The following NOTCH1 variants were observed in gnomAD, a reference collection of about 807,000 sequenced individuals.
NOTCH1 encodes the protein notch receptor 1, also known as neurogenic locus notch homolog protein 1.
Under a neutral mutation model 254.8 loss-of-function variants are expected in NOTCH1, and 37 were observed. The observed-to-expected ratio is 0.15, with a 90% CI of 0.11 to 0.19. The LOEUF (loss-of-function observed/expected upper bound fraction) is 0.19. Ranked by LOEUF, NOTCH1 falls within the 10% of genes least tolerant of loss-of-function variation. The pLI is 1.00. For synonymous variants in NOTCH1, 1,731 were observed against 1,618.1 expected, an observed-to-expected ratio of 1.07 and a Z score of -1.68; for missense variants, 2,972 against 3,708.6, an observed-to-expected ratio of 0.80 and a Z score of 5.16.
rs62579231 is a variant in NOTCH1 at position 136,514,842 on chromosome 9, C to G, written c.2015-140G>C. The G allele has an allele frequency of 3.8e-5, 36 of 945,372 alleles. No individual in the cohort carries two copies. In the East Asian group the frequency reaches 9.4e-4, roughly 25 times the overall value. 58.6% of individuals were successfully genotyped at this position (945,372 alleles called of 1,614,324 possible). ...CCAGGTGTCAGAAACCATCTTGGATCACAATGTGCCATGTGCCAGCCTCCC... is the reference window on the plus strand; with the variant it reads ...CCAGGTGTCAGAAACCATCTTGGATGACAATGTGCCATGTGCCAGCCTCCC... On this transcript the variant is annotated intron_variant, in intron 12 of 33. Transcript: ENST00000651671.
intron 2 of NOTCH1, among the ~76,000 whole-genome samples, chr9:136,526,754 C>T (rs770606648): frequency 2.0e-5 from 3 of 152,216 alleles, no homozygotes; most frequent in Non-Finnish European, 4.4e-5. Context: ...TCCCAGTTAA[C>T]GAGGCTGTAT....
chr9:136,505,682 G>A lies in NOTCH1; in HGVS notation c.4214C>T (p.Pro1405Leu). The change falls in exon 25 of 34, where the codon CCC becomes CTC. Residue 1405 changes from proline (P) to leucine (L), a missense_variant. Coordinates refer to ENST00000651671, the MANE Select transcript of NOTCH1 (RefSeq NM_017617.5). ...ACGGTAGAAGGGGCTCTCGGATGTG[G>A]GCTCACAGGTCCCCTGGTTGTAGCA... ...NPCYNQGTCE[P>L]TSESPFYRCL... The A allele has an allele frequency of 1.2e-6, 2 of 1,610,340 alleles. No individual in the cohort carries two copies. The highest frequency in any genetic ancestry group is 1.7e-6 in the Non-Finnish European group (2 of 1,178,378).
At position 136,539,642 on chromosome 9, in the gene NOTCH1, G is replaced by A. The variant is rs114856128; in HGVS notation, c.140+4382C>T. On this transcript the variant is annotated intron_variant, in intron 2 of 33. Coordinates refer to ENST00000651671, the MANE Select transcript of NOTCH1 (RefSeq NM_017617.5). ...TGACCTCAGGTGATCTGCCCACCTC[G>A]GATGCTGCATGTTTTTAAACATGTT... Among the ~76,000 whole-genome samples, 843 of 152,322 alleles carry A rather than the reference G, an allele frequency of 5.5e-3. 2 individuals are homozygous for A. The highest frequency in any genetic ancestry group is 0.024 in the Middle Eastern group (7 of 294).
intron 2 of NOTCH1, among the ~76,000 whole-genome samples, chr9:136,524,317 A>T (rs1046168190): frequency 6.6e-6 from 1 of 152,218 alleles, no homozygotes; most frequent in South Asian, 2.1e-4. Context: ...GAAAGAAAGA[A>T]GAAGACAAAT....
chr9:136,520,483 C>G (rs1589070170), intron 4 of NOTCH1, among the ~76,000 whole-genome samples: 2 of 152,106 alleles, frequency 1.3e-5, no homozygotes, highest in African/African-American at 4.8e-5. Flanking sequence ...CCTGGAATCC[C>G]GGCACTTTGG....
chr9:136,517,828 C>T lies in NOTCH1; in HGVS notation c.1365G>A (p.Glu455=). The T allele has an allele frequency of 6.2e-7, 1 of 1,612,732 alleles. No individual in the cohort carries two copies. The highest frequency in any genetic ancestry group is 8.5e-7 in the Non-Finnish European group (1 of 1,179,952). The change falls in exon 8 of 34, where the codon GAG becomes GAA. Residue 455 remains glutamate (E), a synonymous_variant. Transcript: ENST00000651671. ...CGTTCTGGCACGGGTTCGAGACGCACTCGTTGACGTCGATCTCGCATCGGG... is the reference window on the plus strand; with the variant it reads ...CGTTCTGGCACGGGTTCGAGACGCATTCGTTGACGTCGATCTCGCATCGGG... ...TGPRCEIDVN[E]CVSNPCQNDA...
Position 136,504,695 on chromosome 9 carries a change from G to C in NOTCH1, c.4996C>G (p.Leu1666Val), listed in dbSNP as rs1843049354. The C allele has an allele frequency of 6.5e-7, 1 of 1,531,258 alleles. No individual in the cohort carries two copies. The highest frequency in any genetic ancestry group is 8.8e-7 in the Non-Finnish European group (1 of 1,137,610). 94.9% of individuals were successfully genotyped at this position (1,531,258 alleles called of 1,614,324 possible). ...GSEGGRRRRE[L>V]DPMDVRGSIV... The stretch of plus-strand genomic sequence containing the variant: ...CACCCGCGGACGTCCATGGGGTCCA[G>C]CTCCCTCCGCCGCCGCCCACCCTCG... The change falls in exon 26 of 34, where the codon CTG (leucine) becomes GTG (valine). Residue 1666 changes from leucine to valine, a missense_variant. Coordinates refer to ENST00000651671, the MANE Select transcript of NOTCH1 (RefSeq NM_017617.5).
Position 136,510,510 on chromosome 9 carries a change from TC to T in NOTCH1, c.2740+142del, listed in dbSNP as rs147437562. The T allele has an allele frequency of 0.059, 66,352 of 1,116,234 alleles. 2,458 individuals carry two copies. The highest frequency in any genetic ancestry group is 0.07 in the Non-Finnish European group (54,376 of 773,366). 69.1% of individuals were successfully genotyped at this position (1,116,234 alleles called of 1,614,324 possible). A position where few individuals can be genotyped will look rare whatever the true frequency, so the allele number is the denominator to read the frequency against. On this transcript the variant is annotated intron_variant, in intron 17 of 33. Coordinates refer to ENST00000651671, the MANE Select transcript of NOTCH1 (RefSeq NM_017617.5). ...ACCACCCTGGCCATCCCTCAGCACA[TC>T]CCCCACACCTGACCCAACCCTCCCC...
At chr9:136,502,149 C>A (rs929767860) in intron 28 of NOTCH1, 61 bp from the exon 29 acceptor site, 8 of 1,605,108 alleles carry the variant, frequency 5.0e-6, no homozygotes, top group Non-Finnish European at 6.8e-6. Context: ...CCCCAGAGAC[C>A]CCTGGCCCGG....
intron 2 of NOTCH1, among the ~76,000 whole-genome samples, chr9:136,529,051 A>AC (rs2133386609): frequency 1.3e-5 from 2 of 151,854 alleles, no homozygotes; most frequent in South Asian, 4.2e-4. Context: ...TGGCAGGGGC[A>AC]CCCCCACGCC....
At chr9:136,502,925 G>A (rs1302151205) in intron 27 of NOTCH1, 1 of 679,672 alleles carries the variant, frequency 1.5e-6, no homozygotes, top group Non-Finnish European at 2.7e-6. Flanking sequence ...AAATTCAGGA[G>A]GAAAGGGTGG....
At chr9:136,544,564 GA>G (rs1843783583) in intron 1 of NOTCH1, among the ~76,000 whole-genome samples, 2 of 152,136 alleles carry the variant, frequency 1.3e-5, no homozygotes, top group South Asian at 2.1e-4. Flanking sequence ...TGGACGGGGG[GA>G]GGGGGGGTGG....
chr9:136,535,979 T>G (rs1843649570), intron 2 of NOTCH1, among the ~76,000 whole-genome samples: 3 of 44,346 alleles, frequency 6.8e-5, no homozygotes, highest in South Asian at 9.8e-4. Flanking sequence ...GGGCAATGGG[T>G]GCATGGTGGG....
At chr9:136,539,075 G>A (rs528526145) in intron 2 of NOTCH1, among the ~76,000 whole-genome samples, 2 of 152,334 alleles carry the variant, frequency 1.3e-5, no homozygotes, top group East Asian at 1.9e-4. Flanking sequence ...CCAGTTTGCC[G>A]CCCGCATCTG....
In NOTCH1 at chr9:136,517,358, T is replaced by C. The variant is rs562257002; in HGVS notation, c.1469A>G (p.Asn490Ser). 1 of 1,607,426 alleles carries C rather than the reference T, an allele frequency of 6.2e-7. No homozygotes were observed. Among genetic ancestry groups the C allele is most frequent in the Non-Finnish European group, 8.5e-7 (1 of 1,177,524 alleles). The stretch of plus-strand genomic sequence containing the variant: ...GGGGCTGCTGGCACACTCGTCTGTG[T>C]TGACCTCGCAGTGCACACCCTCGTA... ...PGYEGVHCEV[N>S]TDECASSPCL... Residue 490 changes from asparagine (N) to serine (S), a missense_variant, in exon 9 of 34, where the codon AAC becomes AGC. Transcript: ENST00000651671.
At chr9:136,519,403 C>T (rs200828923) in intron 5 of NOTCH1, 40 bp downstream of exon 5, 37 of 1,610,772 alleles carry the variant, frequency 2.3e-5, no homozygotes, top group East Asian at 1.8e-4. Context: ...GTAGCAGCCC[C>T]GCCCCGGCTA....
At chr9:136,528,092 A>G (rs1843497243) in intron 2 of NOTCH1, among the ~76,000 whole-genome samples, 1 of 151,882 alleles carries the variant, frequency 6.6e-6, no homozygotes, top group East Asian at 2.0e-4. Context: ...AGGGGACAGA[A>G]GACAGTTCCC....
intron 4 of NOTCH1, among the ~76,000 whole-genome samples, chr9:136,520,155 A>T (rs1434638130): frequency 6.6e-6 from 1 of 151,914 alleles, no homozygotes; most frequent in African/African-American, 2.4e-5. Context: ...CCTCCAAGGC[A>T]GCCAGTTAGC....
intron 2 of NOTCH1, among the ~76,000 whole-genome samples, chr9:136,538,874 C>T (rs1044915172): frequency 1.3e-5 from 2 of 152,206 alleles, no homozygotes; most frequent in African/African-American, 4.8e-5. Context: ...GACGCCCAAT[C>T]GATTCTGCAA....
Sources: gnomAD v4.1 joint callset for allele counts (sites outside exome capture counted in the v4.1 genomes callset) on GRCh38, gnomAD v4.1.1 for gene constraint, MANE v1.5 for transcripts, NCBI Gene and HGNC (gene_info 2026-07-23, HGNC 2026-07-21) for gene names.